DMD: variants seen among roughly 807,000 people sequenced by gnomAD.
DMD encodes mutant dystrophin.
Under a neutral mutation model 330.1 loss-of-function variants are expected in DMD, and 63 were observed. That is an observed-to-expected ratio of 0.19 (90% confidence interval 0.16 to 0.24). The LOEUF is 0.24. DMD is among the 10% of genes least tolerant of loss of function. The pLI is 1.00. For synonymous variants in DMD, 1,223 were observed against 959.8 expected, an observed-to-expected ratio of 1.27 and a Z score of -5.07; for missense variants, 3,344 against 2,684.1, an observed-to-expected ratio of 1.25 and a Z score of -5.43.
chrX:32,295,878 T>C (rs1051606574), intron 42 of DMD, among the ~76,000 whole-genome samples: 9 of 112,142 alleles, frequency 8.0e-5, no homozygotes. Flanking sequence ...GCCTTTACCA[T>C]CTAAATGGTA....
intron 44 of DMD, among the ~76,000 whole-genome samples, chrX:31,971,561 G>T (rs1003671351): frequency 9.0e-6 from 1 of 111,168 alleles, no homozygotes; most frequent in African/African-American, 3.3e-5. Flanking sequence ...TTGCAACCAG[G>T]AGAAATATTT....
rs566508820 is a variant in DMD at position 32,828,451 on chromosome X, TAC to T, written c.265-5066_265-5065del. On this transcript the variant is annotated intron_variant, in intron 4 of 78. Coordinates refer to ENST00000357033, the MANE Select transcript of DMD (RefSeq NM_004006.3). ...TATATACTGGATCAGAGTGTGTGTA[TAC>T]ACACACACACACACACACACTCTGC... Among the ~76,000 whole-genome samples, 831 of 104,733 alleles carry T rather than the reference TAC, an allele frequency of 7.9e-3. 4 individuals carry two copies. The highest frequency in any genetic ancestry group is 0.02 in the African/African-American group (569 of 28,765). 90.9% of individuals were successfully genotyped at this position (104,733 alleles called of 115,157 possible).
At chrX:32,744,413 AG>A (rs960926582) in intron 7 of DMD, among the ~76,000 whole-genome samples, 1 of 110,419 alleles carries the variant, frequency 9.1e-6, no homozygotes, top group Non-Finnish European at 1.9e-5. Flanking sequence ...TCTTCTCATA[AG>A]GCATATTCTC....
chrX:31,195,771 A>G (rs886684606), intron 67 of DMD, among the ~76,000 whole-genome samples: 8 of 105,361 alleles, frequency 7.6e-5, no homozygotes, highest in Admixed American at 7.1e-4. Flanking sequence ...AACGAAAGAA[A>G]AGAGAAAAGA....
chrX:31,227,928 T>C (rs1273870325), intron 63 of DMD, among the ~76,000 whole-genome samples: 13 of 109,129 alleles, frequency 1.2e-4, no homozygotes, highest in African/African-American at 4.0e-4. Context: ...TATGCAGCCA[T>C]AAAAAAGGAT....
At chrX:31,834,823 A>C (rs905572387) in intron 49 of DMD, among the ~76,000 whole-genome samples, 1 of 110,750 alleles carries the variant, frequency 9.0e-6, no homozygotes, top group African/African-American at 3.3e-5. Context: ...AGCTTCTCCC[A>C]ATGTGTCAAA....
chrX:31,631,403 T>C (rs982519689), intron 54 of DMD, among the ~76,000 whole-genome samples: 22 of 111,327 alleles, frequency 2.0e-4, no homozygotes, highest in African/African-American at 7.2e-4. Context: ...TTACCCACTA[T>C]GTCCCCGAGA....
intron 13 of DMD, among the ~76,000 whole-genome samples, chrX:32,582,925 GCACGCCTATCTCC>G (rs1476099185): frequency 3.6e-5 from 4 of 111,225 alleles, no homozygotes; most frequent in African/African-American, 1.3e-4. Context: ...GTTAATGATA[GCACGCCTATCTCC>G]CAGTCTCTGT....
At chrX:32,664,375 G>T (rs963042848) in intron 9 of DMD, among the ~76,000 whole-genome samples, 2 of 108,735 alleles carry the variant, frequency 1.8e-5, no homozygotes, top group African/African-American at 6.8e-5. Flanking sequence ...CCGAGTAGCT[G>T]GGACTACAGG....
chrX:33,291,528 G>A (rs1328235508), intron 1 of DMD, among the ~76,000 whole-genome samples: 1 of 111,198 alleles, frequency 9.0e-6, no homozygotes, highest in South Asian at 3.7e-4. Context: ...TGATGTTCTC[G>A]TTATTTTGTC....
intron 16 of DMD, among the ~76,000 whole-genome samples, chrX:32,547,064 T>A (rs1251314261): frequency 9.0e-6 from 1 of 111,582 alleles, no homozygotes; most frequent in African/African-American, 3.2e-5. Context: ...TTTATTTTTT[T>A]ATTTGAATAT....
chrX:31,418,581 C>T (rs748283522), intron 60 of DMD, among the ~76,000 whole-genome samples: 6 of 112,071 alleles, frequency 5.4e-5, no homozygotes, highest in Non-Finnish European at 9.4e-5. Flanking sequence ...TCCAAGGCCA[C>T]ATGACTCCAT....
At chrX:32,853,276 A>T (rs1224079643) in intron 2 of DMD, among the ~76,000 whole-genome samples, 1 of 111,866 alleles carries the variant, frequency 8.9e-6, no homozygotes, top group East Asian at 2.8e-4. Flanking sequence ...AAGGCACAAA[A>T]CTCAGTAAGT....
chrX:31,767,181 T>C (rs761019483), intron 51 of DMD, among the ~76,000 whole-genome samples: 1 of 111,881 alleles, frequency 8.9e-6, no homozygotes, highest in East Asian at 2.8e-4. Flanking sequence ...CAACATTAAT[T>C]TCTTAATTAA....
chrX:32,864,690 G>A (rs1199403849), intron 2 of DMD, among the ~76,000 whole-genome samples: 1 of 111,532 alleles, frequency 9.0e-6, no homozygotes, highest in Non-Finnish European at 1.9e-5. Context: ...GGACTCCAGT[G>A]TGCTCAGCAG....
chrX:33,209,432 T>C (rs1640994321), intron 1 of DMD, among the ~76,000 whole-genome samples: 1 of 111,870 alleles, frequency 8.9e-6, no homozygotes, highest in African/African-American at 3.2e-5. Context: ...ATTTGAATAA[T>C]TCTTTACAAT....
intron 74 of DMD, among the ~76,000 whole-genome samples, chrX:31,152,070 G>GT (rs2037482443): frequency 9.0e-6 from 1 of 111,713 alleles, no homozygotes; most frequent in Non-Finnish European, 1.9e-5. Flanking sequence ...TCAATGACTA[G>GT]TTTTTTTGGC....
intron 7 of DMD, among the ~76,000 whole-genome samples, chrX:32,731,367 G>A (rs1207253627): frequency 8.9e-6 from 1 of 112,697 alleles, no homozygotes; most frequent in Non-Finnish European, 1.9e-5. Context: ...GCTTGATTAG[G>A]TAAACAAAGC....
intron 2 of DMD, among the ~76,000 whole-genome samples, chrX:32,910,471 C>G (rs1274258803): frequency 9.0e-6 from 1 of 110,794 alleles, no homozygotes; most frequent in African/African-American, 3.3e-5. Flanking sequence ...CACTGTCACC[C>G]GGGCTGGAGT....
Sources: allele counts gnomAD v4.1 joint callset (sites outside exome capture counted in the v4.1 genomes callset), GRCh38; gene constraint gnomAD v4.1.1; transcripts MANE v1.5; gene names NCBI Gene and HGNC (gene_info 2026-07-23, HGNC 2026-07-21).